LYPD6B: variants seen among roughly 807,000 people sequenced by gnomAD.
LYPD6B encodes the protein ly6/PLAUR domain-containing protein 6B.
Under a neutral mutation model 22.8 loss-of-function variants are expected in LYPD6B, and 17 were observed. That is an observed-to-expected ratio of 0.75 (90% confidence interval 0.51 to 1.12). LYPD6B has a LOEUF of 1.12. Ranked by LOEUF, LYPD6B falls within the 50% of genes most tolerant of loss-of-function variation. The pLI is 0.00. For missense variants in LYPD6B, 221 were observed against 258.3 expected (o/e 0.86, Z 0.99); for synonymous variants, 106 against 91.6 (o/e 1.16, Z -0.90).
At position 149,148,286 on chromosome 2, in the gene LYPD6B, C is replaced by T. The variant is rs377263011; in HGVS notation, c.6-12478C>T. Among the ~76,000 whole-genome samples the T allele has an allele frequency of 2.4e-4, 36 of 152,252 alleles. No individual in the cohort carries two copies. The East Asian group carries it at 6.4e-3, about 27-fold the overall frequency. On this transcript the variant is annotated intron_variant, in intron 2 of 6. Transcript: ENST00000409642. ...CCCAGGGAAAAGAAATGCAGGACTT[C>T]ACAGTTGGATTTGGACAAATTGGAG...
chr2:149,061,615 G>A (rs933584392), intron 1 of LYPD6B, among the ~76,000 whole-genome samples: 4 of 151,972 alleles, frequency 2.6e-5, no homozygotes, highest in East Asian at 3.9e-4. Flanking sequence ...TGGATTCCCC[G>A]GGGCTTTGGA....
At chr2:149,060,196 A>G (rs1684009140) in intron 1 of LYPD6B, among the ~76,000 whole-genome samples, 1 of 152,188 alleles carries the variant, frequency 6.6e-6, no homozygotes, top group South Asian at 2.1e-4. Context: ...TTGCAAGGCC[A>G]TTTAGCACAG....
chr2:149,202,612 G>C (rs1267654903), intron 3 of LYPD6B, among the ~76,000 whole-genome samples: 2 of 152,310 alleles, frequency 1.3e-5, no homozygotes, highest in Admixed American at 1.3e-4. Flanking sequence ...TTGCCCGCAT[G>C]TATTGCCTGT....
chr2:149,137,268 C>G (rs1246216629), intron 2 of LYPD6B, among the ~76,000 whole-genome samples: 1 of 152,142 alleles, frequency 6.6e-6, no homozygotes, highest in East Asian at 1.9e-4. Flanking sequence ...ATTGAATCCA[C>G]TTAAGTGTGT....
At chr2:149,187,122 C>T (rs999572979) in intron 3 of LYPD6B, among the ~76,000 whole-genome samples, 3 of 152,132 alleles carry the variant, frequency 2.0e-5, no homozygotes, top group Non-Finnish European at 4.4e-5. Flanking sequence ...TTTGTCTGCA[C>T]CAGGAAACTA....
chr2:149,167,578 G>A (rs144725634), intron 3 of LYPD6B, among the ~76,000 whole-genome samples: 2 of 152,140 alleles, frequency 1.3e-5, no homozygotes, highest in African/African-American at 4.8e-5. Context: ...CTGGGACAGT[G>A]GGGGAGCAGG....
intron 3 of LYPD6B, among the ~76,000 whole-genome samples, chr2:149,194,077 G>A (rs1455223352): frequency 6.6e-6 from 1 of 152,092 alleles, no homozygotes; most frequent in Non-Finnish European, 1.5e-5. Flanking sequence ...GGAGGGTGGT[G>A]ACATTTGTAT....
intron 1 of LYPD6B, among the ~76,000 whole-genome samples, chr2:149,128,471 G>T (rs10497049): frequency 2.6e-5 from 4 of 152,170 alleles, no homozygotes; most frequent in Admixed American, 2.6e-4. Context: ...CCACATTACT[G>T]TTGAGCAGTT....
intron 1 of LYPD6B, among the ~76,000 whole-genome samples, chr2:149,083,081 G>T (rs1340396921): frequency 6.6e-6 from 1 of 152,158 alleles, no homozygotes; most frequent in Non-Finnish European, 1.5e-5. Context: ...TGGAGAGGCT[G>T]AATAAAGTAC....
chr2:149,075,722 G>A (rs1290857345), intron 1 of LYPD6B, among the ~76,000 whole-genome samples: 1 of 152,178 alleles, frequency 6.6e-6, no homozygotes, highest in African/African-American at 2.4e-5. Context: ...AAAGTATAAA[G>A]TTGGTCATAT....
intron 2 of LYPD6B, among the ~76,000 whole-genome samples, chr2:149,135,491 G>A (rs10202210): frequency 0.2 from 29,961 of 151,040 alleles, 3,120 homozygotes; most frequent in East Asian, 0.37. Context: ...AGGCCAAGGC[G>A]GGTGGATCAC....
At chr2:149,158,732 A>C (rs2105871444) in intron 2 of LYPD6B, among the ~76,000 whole-genome samples, 1 of 152,380 alleles carries the variant, frequency 6.6e-6, no homozygotes, top group African/African-American at 2.4e-5. Flanking sequence ...ATTCCAATGC[A>C]GAAAGCATAT....
intron 4 of LYPD6B, 64 bp downstream of exon 4, chr2:149,205,468 C>T (rs1261672318): frequency 6.6e-7 from 1 of 1,512,100 alleles, no homozygotes; most frequent in Non-Finnish European, 9.0e-7. Context: ...TATGAAGCCC[C>T]CTTTTCCATT....
At chr2:149,104,630 A>G (rs897198889) in intron 1 of LYPD6B, among the ~76,000 whole-genome samples, 2 of 152,184 alleles carry the variant, frequency 1.3e-5, no homozygotes, top group Non-Finnish European at 2.9e-5. Flanking sequence ...TCTATCAGAT[A>G]GATACTTTGC....
chr2:149,166,822 C>T (rs1316336575), intron 3 of LYPD6B, among the ~76,000 whole-genome samples: 1 of 152,194 alleles, frequency 6.6e-6, no homozygotes, highest in East Asian at 1.9e-4. Context: ...CATGGTCCCA[C>T]CAGAGAGGAG....
chr2:149,072,995 A>T (rs1356092135), intron 1 of LYPD6B, among the ~76,000 whole-genome samples: 1 of 152,178 alleles, frequency 6.6e-6, no homozygotes, highest in Non-Finnish European at 1.5e-5. Flanking sequence ...ACTTAACCTC[A>T]TTTATTAAAG....
intron 1 of LYPD6B, among the ~76,000 whole-genome samples, chr2:149,100,563 A>G (rs957434122): frequency 1.1e-4 from 17 of 151,942 alleles, no homozygotes; most frequent in African/African-American, 3.6e-4. Flanking sequence ...ACCAATGGGT[A>G]TGGGTCCTAA....
chr2:149,133,588 G>A (rs892434830), intron 2 of LYPD6B, among the ~76,000 whole-genome samples: 17 of 152,190 alleles, frequency 1.1e-4, no homozygotes, highest in African/African-American at 3.9e-4. Flanking sequence ...CCACTAAGTC[G>A]AAATACATTC....
chr2:149,070,633 A>G (rs1684560979), intron 1 of LYPD6B, among the ~76,000 whole-genome samples: 1 of 152,216 alleles, frequency 6.6e-6, no homozygotes, highest in African/African-American at 2.4e-5. Flanking sequence ...TCTAGTCATC[A>G]TAACTGACCT....
Sources: gnomAD v4.1 joint callset for allele counts (sites outside exome capture counted in the v4.1 genomes callset) on GRCh38, gnomAD v4.1.1 for gene constraint, MANE v1.5 for transcripts, NCBI Gene and HGNC (gene_info 2026-07-23, HGNC 2026-07-21) for gene names.